DNAI7: variants seen among roughly 807,000 people sequenced by gnomAD.
DNAI7 encodes cancer susceptibility 1.
A neutral mutation model predicts 86.6 loss-of-function variants in DNAI7; 78 were observed. The ratio of observed to expected loss-of-function variants is 0.90; its 90% CI spans 0.75 to 1.09. DNAI7 has a LOEUF of 1.09. DNAI7 is among the 50% of genes least tolerant of loss of function. The pLI is 0.00. For synonymous variants in DNAI7, 274 were observed against 273.0 expected (o/e 1.00, Z -0.04); for missense variants, 753 against 810.2 (o/e 0.93, Z 0.86).
chr12:25,158,555 G>T lies in DNAI7; in HGVS notation c.115C>A (p.Arg39Ser), dbSNP rs10842496. 550,029 of 1,607,548 alleles carry T rather than the reference G, an allele frequency of 0.34. 97,048 individuals are homozygous for T. The highest frequency in any genetic ancestry group is 0.37 in the Admixed American group (22,250 of 59,746). ...ERRLKEEEEARLKYEKEEMER... is the reference protein window; with the variant it reads ...ERRLKEEEEASLKYEKEEMER... The stretch of plus-strand genomic sequence containing the variant: ...ATTTCTTCTTTCTCATATTTCAAAC[G>T]GGCTTCCTCTAAAGAACCAAAAATA... Residue 39 changes from arginine to serine, a missense_variant, in exon 4 of 16, where the codon CGT (arginine) becomes AGT (serine). Physicochemically the swap from Arg to Ser is moderately radical, Grantham distance 110. Transcript: ENST00000395987.
rs199649674 is a variant in DNAI7 at position 25,141,849 on chromosome 12, G to C, written c.1002+2516C>G. On this transcript the variant is annotated intron_variant, in intron 9 of 15. Coordinates refer to ENST00000395987, the MANE Select transcript of DNAI7 (RefSeq NM_018272.5). The stretch of plus-strand genomic sequence containing the variant: ...TGTCTCAAAAAAAGAAAAAAAAAAG[G>C]CCATAATTTAAAAATCAAAAAATAA... Among the ~76,000 whole-genome samples the C allele has an allele frequency of 4.4e-4, 66 of 150,896 alleles. 1 individual carries two copies. The East Asian group carries it at 0.013, about 29-fold the overall frequency.
At chr12:25,170,110 G>A (rs1005920219) in intron 2 of DNAI7, among the ~76,000 whole-genome samples, 8 of 152,110 alleles carry the variant, frequency 5.3e-5, no homozygotes, top group Non-Finnish European at 8.8e-5. Context: ...CCTTGTCCCA[G>A]CCAGGCCCAG....
At chr12:25,163,308 C>A (rs543114485) in intron 2 of DNAI7, among the ~76,000 whole-genome samples, 1 of 151,970 alleles carries the variant, frequency 6.6e-6, no homozygotes, top group Non-Finnish European at 1.5e-5. Context: ...GATGACATTC[C>A]GCCACAAAAA....
chr12:25,113,743 T>G (rs1339552424), intron 13 of DNAI7, among the ~76,000 whole-genome samples: 2 of 152,116 alleles, frequency 1.3e-5, no homozygotes, highest in Admixed American at 6.6e-5. Flanking sequence ...AGTGTATAAT[T>G]CAATGATTTT....
At chr12:25,150,338 C>T (rs1461578144) in intron 6 of DNAI7, among the ~76,000 whole-genome samples, 2 of 152,112 alleles carry the variant, frequency 1.3e-5, no homozygotes, top group Non-Finnish European at 2.9e-5. Flanking sequence ...GGCGCAGTGG[C>T]TCATGCCTGC....
intron 2 of DNAI7, among the ~76,000 whole-genome samples, chr12:25,164,169 C>T (rs1947157797): frequency 1.3e-5 from 2 of 151,890 alleles, no homozygotes; most frequent in African/African-American, 2.4e-5. Flanking sequence ...AAGAATCCCC[C>T]GACCCTTCTC....
Position 25,119,166 on chromosome 12 carries a change from C to A in DNAI7, c.1375G>T (p.Val459Phe). 3.1e-6 allele frequency: 5 copies of A among 1,608,340 alleles called. No homozygotes were observed. Among genetic ancestry groups the A allele is most frequent in the Non-Finnish European group, 4.2e-6 (5 of 1,178,458 alleles). The change falls in exon 12 of 16, where the codon GTT becomes TTT. Residue 459 changes from valine (V) to phenylalanine (F), a missense_variant. Coordinates refer to ENST00000395987, the MANE Select transcript of DNAI7 (RefSeq NM_018272.5). Reference protein sequence around the residue: ...ENVIFFEDPVVVRWDAEGKHW... With the variant: ...ENVIFFEDPVFVRWDAEGKHW... ...GTACCTTCAGCATCCCACCTTACAACCACAGGATCCTCAAAAAAGATTACA... is the reference window on the plus strand; with the variant it reads ...GTACCTTCAGCATCCCACCTTACAAACACAGGATCCTCAAAAAAGATTACA...
intron 1 of DNAI7, among the ~76,000 whole-genome samples, chr12:25,191,207 G>A (rs936389959): frequency 6.6e-6 from 1 of 152,144 alleles, no homozygotes; most frequent in Non-Finnish European, 1.5e-5. Flanking sequence ...GAACCCAAGA[G>A]TTCAAGATCA....
rs1565604345 is a variant in DNAI7, at chr12:25,108,691, T to C, written c.2026A>G (p.Thr676Ala). The change falls in exon 16 of 16, where the codon ACT becomes GCT. Residue 676 changes from threonine (T) to alanine (A), a missense_variant. Physicochemically the swap from Thr to Ala is moderately conservative, Grantham distance 58. Transcript: ENST00000395987. ...TGATATAAAGTAGAATGAAACTCAG[T>C]TTCTTCTTTAAGTGCTTCAGAAAAT... ...EAFSEALKEE[T>A]EFHSTLYHMV... 1 of 1,613,468 alleles carries C rather than the reference T, an allele frequency of 6.2e-7. No homozygotes were observed. The highest frequency in any genetic ancestry group is 2.2e-5 in the East Asian group (1 of 44,870).
chr12:25,175,363 T>C (rs1212402279), intron 2 of DNAI7, among the ~76,000 whole-genome samples: 1 of 152,150 alleles, frequency 6.6e-6, no homozygotes, highest in African/African-American at 2.4e-5. Flanking sequence ...CTATATGTTT[T>C]GCTTTTAAAC....
At chr12:25,137,469 A>G (rs987827259) in intron 9 of DNAI7, among the ~76,000 whole-genome samples, 3 of 152,148 alleles carry the variant, frequency 2.0e-5, no homozygotes, top group Admixed American at 2.0e-4. Context: ...ACAATAACAC[A>G]ACATAAAAAC....
At chr12:25,165,648 C>A (rs949305891) in intron 2 of DNAI7, among the ~76,000 whole-genome samples, 10 of 151,380 alleles carry the variant, frequency 6.6e-5, no homozygotes, top group Non-Finnish European at 1.3e-4. Flanking sequence ...GCCTCGGAAG[C>A]CTACGGGACC....
chr12:25,107,681 A>G (rs1359820986), downstream of DNAI7: 4 of 759,006 alleles, frequency 5.3e-6, no homozygotes, highest in Non-Finnish European at 8.5e-6. Context: ...AACCAAAATG[A>G]TAAATCATAA....
chr12:25,179,564 C>T (rs1221719792), intron 2 of DNAI7, among the ~76,000 whole-genome samples: 1 of 151,988 alleles, frequency 6.6e-6, no homozygotes, highest in Admixed American at 6.6e-5. Context: ...TAGGTATACA[C>T]AAATTTAAAA....
Position 25,133,154 on chromosome 12 carries a change from AT to A in DNAI7, c.1003-9869del, listed in dbSNP as rs74643470. The stretch of plus-strand genomic sequence containing the variant: ...GTTTGTTTTTATATTTAAAACTGTG[AT>A]TTTTTTTTTTTTTTAGTCTTTAGGG... On this transcript the variant is annotated intron_variant, in intron 9 of 15. Transcript: ENST00000395987. Among the ~76,000 whole-genome samples the A allele has an allele frequency of 3.8e-3, 542 of 143,858 alleles. 2 individuals are homozygous for A. Among genetic ancestry groups the A allele is most frequent in the Non-Finnish European group, 4.4e-3 (290 of 65,706 alleles). The allele number at this position is 143,858 out of a possible 152,430, so 94.4% of individuals were successfully genotyped here.
intron 9 of DNAI7, among the ~76,000 whole-genome samples, chr12:25,133,446 C>T (rs1318926059): frequency 2.6e-5 from 4 of 152,144 alleles, no homozygotes; most frequent in Non-Finnish European, 1.5e-5. Flanking sequence ...AGGCGGTTTA[C>T]ACTGTTCAGA....
chr12:25,152,981 T>C (rs563230189), intron 6 of DNAI7, among the ~76,000 whole-genome samples: 1 of 152,346 alleles, frequency 6.6e-6, no homozygotes, highest in East Asian at 1.9e-4. Flanking sequence ...TCTTTGAATA[T>C]TGTCTCTCTT....
downstream of DNAI7, among the ~76,000 whole-genome samples, chr12:25,107,314 T>C (rs1467713825): frequency 6.6e-6 from 1 of 152,222 alleles, no homozygotes; most frequent in Admixed American, 6.5e-5. Flanking sequence ...TATGCCTAAT[T>C]TATAAATTCA....
In DNAI7 at chr12:25,144,684, ATAAT is replaced by A. The variant is rs777125660; in HGVS notation, c.690-11_690-8del. On this transcript the variant is annotated splice_region_variant and splice_polypyrimidine_tract_variant and intron_variant, in intron 8 of 15. Transcript: ENST00000395987. ...GAATCTAACACTTCTGTGCCTGTTA[ATAAT>A]TAATTACAACAAAAAAAGATGAGAC... is the stretch of plus-strand genomic sequence containing the variant. The A allele has an allele frequency of 6.3e-7, 1 of 1,596,790 alleles. No homozygotes were observed.
Sources: allele counts gnomAD v4.1 joint callset (sites outside exome capture counted in the v4.1 genomes callset), GRCh38; gene constraint gnomAD v4.1.1; transcripts MANE v1.5; gene names NCBI Gene and HGNC (gene_info 2026-07-23, HGNC 2026-07-21).